Variants in AKNA observed in about 807,000 individuals in gnomAD.
AKNA encodes the protein AT-hook transcription factor, also known as microtubule organization protein AKNA.
A neutral mutation model predicts 138.8 loss-of-function variants in AKNA; 67 were observed. The observed-to-expected ratio is 0.48, with a 90% CI of 0.40 to 0.59. The LOEUF (loss-of-function observed/expected upper bound fraction) is 0.59. AKNA is among the 20% of genes least tolerant of loss of function. The pLI is 0.00. For missense variants in AKNA, 1,813 were observed against 1,880.4 expected (o/e 0.96, Z 0.66); for synonymous variants, 737 against 754.4 (o/e 0.98, Z 0.38).
rs374129724 is a variant in AKNA, at chr9:114,350,989, G to T, written c.3091C>A (p.Arg1031=). The change falls in exon 15 of 22, where the codon CGG becomes AGG. Residue 1031 remains arginine (R), a synonymous_variant. Coordinates refer to ENST00000374088, the MANE Select transcript of AKNA (RefSeq NM_001317950.2). ...TTGGGAAGGGGCTGTTCAGAAATCCGTTTGTGCCCCTCAAACTCTGAGCCA... is the reference window on the plus strand; with the variant it reads ...TTGGGAAGGGGCTGTTCAGAAATCCTTTTGTGCCCCTCAAACTCTGAGCCA... The part of the protein sequence containing the change: ...VPGSEFEGHK[R]ISEQPLPNKT... 6.2e-7 allele frequency: 1 copy of T among 1,613,780 alleles called. No individual in the cohort carries two copies. The highest frequency in any genetic ancestry group is 1.7e-5 in the Admixed American group (1 of 60,012).
At chr9:114,339,917 C>T (rs1013053450) in intron 21 of AKNA, among the ~76,000 whole-genome samples, 2 of 152,108 alleles carry the variant, frequency 1.3e-5, no homozygotes, top group Non-Finnish European at 2.9e-5. Flanking sequence ...GCCAACATGG[C>T]GAAACCCATC....
At chr9:114,373,104 G>A (rs185998202) in intron 4 of AKNA, among the ~76,000 whole-genome samples, 2 of 152,186 alleles carry the variant, frequency 1.3e-5, no homozygotes, top group Non-Finnish European at 2.9e-5. Flanking sequence ...GAGCATGACA[G>A]GGGGAGGCAC....
At chr9:114,342,721 C>G (rs574963164) in intron 19 of AKNA, among the ~76,000 whole-genome samples, 4 of 152,298 alleles carry the variant, frequency 2.6e-5, no homozygotes, top group South Asian at 4.1e-4. Context: ...CCACCACTCC[C>G]TCTGGGAAGC....
intron 7 of AKNA, 125 bp downstream of exon 7, chr9:114,364,435 C>A: frequency 1.0e-6 from 1 of 981,908 alleles, no homozygotes; most frequent in South Asian, 1.3e-5. Flanking sequence ...ACTGTTTGCT[C>A]TAAAAGAGAC....
chr9:114,339,724 G>A (rs1830214536), intron 21 of AKNA, among the ~76,000 whole-genome samples: 1 of 152,216 alleles, frequency 6.6e-6, no homozygotes, highest in African/African-American at 2.4e-5. Flanking sequence ...GTCTGAGCAT[G>A]CAGCATTGGT....
chr9:114,333,911 A>G (rs1167096549), downstream of AKNA, among the ~76,000 whole-genome samples: 1 of 149,276 alleles, frequency 6.7e-6, no homozygotes, highest in Non-Finnish European at 1.5e-5. Flanking sequence ...TCCTGCTGGG[A>G]GGTGATTGTA....
At chr9:114,390,264 C>G (rs1028621738), upstream of AKNA, among the ~76,000 whole-genome samples, 2 of 152,108 alleles carry the variant, frequency 1.3e-5, no homozygotes, top group Admixed American at 6.5e-5. Flanking sequence ...TGCACTGCCC[C>G]CTCTTGGATC....
intron 16 of AKNA, 152 bp from the exon 17 acceptor site, chr9:114,346,936 C>A (rs1161343713): frequency 9.6e-6 from 6 of 624,314 alleles, no homozygotes; most frequent in Non-Finnish European, 1.6e-5. Flanking sequence ...GTCAGTTTCA[C>A]AGAAAATGGC....
At position 114,356,893 on chromosome 9, in the gene AKNA, T is replaced by C. The variant is rs1325714670; in HGVS notation, c.2816A>G (p.Gln939Arg). The C allele has an allele frequency of 6.4e-7, 1 of 1,566,846 alleles. No homozygotes were observed. Among genetic ancestry groups the C allele is most frequent in the Admixed American group, 2.0e-5 (1 of 49,870 alleles). ...GTGGGAGAGCCGGTGCTCTGGAGTC[T>C]GGGTGAGGGGTGAAACTCTGCTTGT... ...SETSRVSPLT[Q>R]TPEHRLSHIS... Residue 939 changes from glutamine to arginine, a missense_variant, in exon 13 of 22, where the codon CAG (glutamine) becomes CGG (arginine). Gln to Arg is a conservative substitution (Grantham distance 43). Transcript: ENST00000374088.
At chr9:114,379,660 A>T (rs1440409890) in intron 2 of AKNA, among the ~76,000 whole-genome samples, 2 of 152,210 alleles carry the variant, frequency 1.3e-5, no homozygotes, top group Non-Finnish European at 2.9e-5. Context: ...TGCAATAGTT[A>T]CCATATATTC....
intron 13 of AKNA, 73 bp from the exon 14 acceptor site, chr9:114,356,209 C>G (rs1831494850): frequency 2.1e-6 from 3 of 1,409,548 alleles, no homozygotes; most frequent in Non-Finnish European, 2.9e-6. Context: ...CATCTGAGCC[C>G]CTCCACATGC....
At chr9:114,351,542 G>A (rs59365178) in intron 14 of AKNA, among the ~76,000 whole-genome samples, 4,212 of 152,178 alleles carry the variant, frequency 0.028, 203 homozygotes, top group African/African-American at 0.096. Context: ...GCCAGACATG[G>A]TGGCTCACGC....
At chr9:114,339,951 T>G (rs747570078) in intron 21 of AKNA, among the ~76,000 whole-genome samples, 2 of 152,072 alleles carry the variant, frequency 1.3e-5, no homozygotes, top group Non-Finnish European at 2.9e-5. Flanking sequence ...CCAAAAAAAT[T>G]AGCCGGGTGT....
intron 4 of AKNA, among the ~76,000 whole-genome samples, chr9:114,373,720 C>T (rs1358441135): frequency 7.0e-6 from 1 of 142,040 alleles, no homozygotes; most frequent in Non-Finnish European, 1.6e-5. Flanking sequence ...CTCTACAAAA[C>T]ATTGAAAAAA....
At chr9:114,383,191 C>T (rs1296417130) in intron 1 of AKNA, 2 of 456,004 alleles carry the variant, frequency 4.4e-6, no homozygotes, top group East Asian at 1.4e-4. Context: ...GGGAGGCTGG[C>T]CACACGGGGG....
intron 14 of AKNA, among the ~76,000 whole-genome samples, chr9:114,354,859 C>T (rs1831377574): frequency 2.0e-5 from 3 of 149,358 alleles, no homozygotes; most frequent in African/African-American, 7.6e-5. Flanking sequence ...ATCGTAGGTG[C>T]TATACGGTAC....
In AKNA at chr9:114,342,031, A is replaced by G. The variant is rs145128899; in HGVS notation, c.3852T>C (p.Asp1284=). ...TACCAGAGGTGGCTGAGCCTGGACC[A>G]TCTGCCTCTGGGGGAGACCCAACTT... ...CGQVGSPPEA[D]GPGSATSGAE... The change falls in exon 20 of 22, where the codon GAT becomes GAC. Residue 1284 remains aspartate, a synonymous_variant. Transcript: ENST00000374088. The G allele has an allele frequency of 7.4e-6, 12 of 1,614,114 alleles. No homozygotes were observed. The East Asian group carries it at 2.2e-4, about 30-fold the overall frequency.
Position 114,337,321 on chromosome 9 carries a change from G to C in AKNA, c.4068-15C>G. On this transcript the variant is annotated splice_polypyrimidine_tract_variant and intron_variant, in intron 21 of 21. Transcript: ENST00000374088. ...GCGCATAGTACCTGAGGAGAGAAGT[G>C]AGTGGGCTCGTTACACATGGGGAGG... The C allele has an allele frequency of 7.0e-7, 1 of 1,429,606 alleles. No homozygotes were observed. The highest frequency in any genetic ancestry group is 1.6e-5 in the South Asian group (1 of 62,844). The allele number at this position is 1,429,606 out of a possible 1,614,324, so 88.6% of individuals were successfully genotyped here.
Position 114,376,829 on chromosome 9 carries a change from C to A in AKNA, c.978G>T (p.Arg326=), listed in dbSNP as rs373002708. ...SPLNPQPRPT[R]QGRPLPRQGA... is the part of the protein sequence containing the mutation. The stretch of plus-strand genomic sequence containing the variant: ...CCTGTCTGGGCAGCGGCCTGCCCTG[C>A]CGCGTTGGCCTGGGCTGGGGATTCA... The change falls in exon 3 of 22, where the codon CGG becomes CGT. Residue 326 remains arginine, a synonymous_variant. Transcript: ENST00000374088. The A allele has an allele frequency of 1.2e-6, 2 of 1,612,948 alleles. No homozygotes were observed. The highest frequency in any genetic ancestry group is 2.2e-5 in the East Asian group (1 of 44,850).
Sources: gnomAD v4.1 joint callset for allele counts (sites outside exome capture counted in the v4.1 genomes callset) on GRCh38, gnomAD v4.1.1 for gene constraint, MANE v1.5 for transcripts, NCBI Gene and HGNC (gene_info 2026-07-23, HGNC 2026-07-21) for gene names.